Variants in FEM1B observed in about 807,000 individuals in gnomAD.
FEM1B encodes fem-1 homolog B, also known as protein fem-1 homolog B.
FEM1B carries 10 observed loss-of-function variants against 38.6 expected under a neutral mutation model. The ratio of observed to expected loss-of-function variants is 0.26; its 90% CI spans 0.16 to 0.44. The LOEUF (loss-of-function observed/expected upper bound fraction) is 0.44, where lower values mean the gene tolerates loss of function less well. Among genes scored for constraint, FEM1B ranks in the 20% least tolerant of loss-of-function variants. FEM1B has a pLI of 1.00. For synonymous variants in FEM1B, 288 were observed against 288.0 expected (o/e 1.00, Z 0.00); for missense variants, 471 against 786.7 (o/e 0.60, Z 4.80).
Position 68,289,532 on chromosome 15 carries a change from G to A in FEM1B, c.249-75G>A, listed in dbSNP as rs1296485996. The A allele has an allele frequency of 1.9e-6, 2 of 1,027,762 alleles. No individual in the cohort carries two copies. The highest frequency in any genetic ancestry group is 2.1e-5 in the Admixed American group (1 of 47,628). The allele number at this position is 1,027,762 out of a possible 1,614,324, so 63.7% of individuals were successfully genotyped here. ...CTGGAGAGTGAGGTCTTGGTCGGTGGGAGTGAATACATCCCTTAAACATAT... is the reference window on the plus strand; with the variant it reads ...CTGGAGAGTGAGGTCTTGGTCGGTGAGAGTGAATACATCCCTTAAACATAT... On this transcript the variant is annotated intron_variant, in intron 1 of 1. Coordinates refer to ENST00000306917, the MANE Select transcript of FEM1B (RefSeq NM_015322.5). This position sits in a 1 kb window ranked among gnomAD's most constrained non-coding sequence, Gnocchi z 6.9.
chr15:68,287,859 A>G, intron 1 of FEM1B, among the ~76,000 whole-genome samples: 1 of 136,578 alleles, frequency 7.3e-6, no homozygotes, highest in Non-Finnish European at 1.6e-5. Flanking sequence ...TTTTGAGATG[A>G]AGTTTTGCTC....
chr15:68,289,688 T>C lies in FEM1B; in HGVS notation c.330T>C (p.His110=), dbSNP rs1892826011. The part of the protein sequence containing the change: ...HFEVVKLLVS[H]GANVNHTTVT... The stretch of plus-strand genomic sequence containing the variant: ...AAGTTGTTAAACTTCTAGTCAGCCA[T>C]GGAGCCAACGTGAACCATACCACAG... The change falls in exon 2 of 2, where the codon CAT becomes CAC. Residue 110 remains histidine (H), a synonymous_variant. Coordinates refer to ENST00000306917, the MANE Select transcript of FEM1B (RefSeq NM_015322.5). This position sits in a 1 kb window ranked among gnomAD's most constrained non-coding sequence, Gnocchi z 6.9. 3 of 1,614,210 alleles carry C rather than the reference T, an allele frequency of 1.9e-6. No individual in the cohort carries two copies. Among genetic ancestry groups the C allele is most frequent in the Non-Finnish European group, 2.5e-6 (3 of 1,180,026 alleles).
At chr15:68,279,555 TGTG>T (rs1340264571) in intron 1 of FEM1B, among the ~76,000 whole-genome samples, 1 of 152,218 alleles carries the variant, frequency 6.6e-6, no homozygotes, top group Non-Finnish European at 1.5e-5. Flanking sequence ...TTGGTTGACT[TGTG>T]GTAGTACATA....
chr15:68,291,568 T>TAAAC lies in FEM1B; in HGVS notation c.*328_*331dup. On this transcript the variant is annotated 3_prime_UTR_variant, in exon 2 of 2. Transcript: ENST00000306917. The surrounding 1 kb of genome is among the most constrained non-coding windows in gnomAD (Gnocchi z 6.9). ...TTATAATTTCAAGTTGATAATGTTT[T>TAAAC]AAACAGCTGCTTACAAAAGTATTTC... 1 of 254,256 alleles carries TAAAC rather than the reference T, an allele frequency of 3.9e-6. No individual in the cohort carries two copies. Among genetic ancestry groups the TAAAC allele is most frequent in the Non-Finnish European group, 7.4e-6 (1 of 134,556 alleles). 15.7% of individuals were successfully genotyped at this position (254,256 alleles called of 1,614,324 possible). A position where few individuals can be genotyped will look rare whatever the true frequency, so the allele number is the denominator to read the frequency against.
Position 68,278,132 on chromosome 15 carries a change from T to G in FEM1B, c.-286T>G, listed in dbSNP as rs533141310. The G allele has an allele frequency of 8.9e-6, 3 of 337,594 alleles. No homozygotes were observed. The highest frequency in any genetic ancestry group is 6.5e-5 in the East Asian group (1 of 15,436). The allele number at this position is 337,594 out of a possible 1,614,324, so 20.9% of individuals were successfully genotyped here. On this transcript the variant is annotated 5_prime_UTR_variant, in exon 1 of 2. It removes an upstream start codon present in the reference 5' UTR. Transcript: ENST00000306917. The surrounding 1 kb of genome is among the most constrained non-coding windows in gnomAD (Gnocchi z 5.7). Reference sequence around the variant, plus strand: ...CTGAGGCCCGGGGCGGCGTCCGCCATGGAGATCCCCTCGGTCCAGGGCCGG... The same window carrying G: ...CTGAGGCCCGGGGCGGCGTCCGCCAGGGAGATCCCCTCGGTCCAGGGCCGG...
intron 1 of FEM1B, chr15:68,279,889 C>G (rs1361773684): frequency 2.3e-4 from 35 of 152,032 alleles, no homozygotes; most frequent in Admixed American, 2.3e-3. Flanking sequence ...TTCATGTTGA[C>G]CAAAGATGGC....
intron 1 of FEM1B, among the ~76,000 whole-genome samples, chr15:68,283,336 A>G (rs1892747933): frequency 6.6e-6 from 1 of 151,932 alleles, no homozygotes; most frequent in Non-Finnish European, 1.5e-5. Flanking sequence ...GAAGTAGTTT[A>G]GATTCCTGTT....
chr15:68,284,832 T>C lies in FEM1B; in HGVS notation c.249-4775T>C, dbSNP rs1892768050. On this transcript the variant is annotated intron_variant, in intron 1 of 1. Coordinates refer to ENST00000306917, the MANE Select transcript of FEM1B (RefSeq NM_015322.5). This position sits in a 1 kb window ranked among gnomAD's most constrained non-coding sequence, Gnocchi z 4.4. Reference sequence around the variant, plus strand: ...GCAGGTCTTTCCCGTGCTGTTCTCTTGATAGTAAGTGTCACGGGATCTGAT... The same window carrying C: ...GCAGGTCTTTCCCGTGCTGTTCTCTCGATAGTAAGTGTCACGGGATCTGAT... 6.6e-6 allele frequency among the ~76,000 whole-genome samples: 1 copy of C among 152,212 alleles called. No homozygotes were observed.
chr15:68,289,691 A>G lies in FEM1B; in HGVS notation c.333A>G (p.Gly111=). The G allele has an allele frequency of 6.2e-7, 1 of 1,614,144 alleles. No individual in the cohort carries two copies. The highest frequency in any genetic ancestry group is 1.1e-5 in the South Asian group (1 of 91,078). Residue 111 remains glycine (G), a synonymous_variant, in exon 2 of 2, where the codon GGA becomes GGG. Coordinates refer to ENST00000306917, the MANE Select transcript of FEM1B (RefSeq NM_015322.5). The surrounding 1 kb of genome is among the most constrained non-coding windows in gnomAD (Gnocchi z 6.9). ...TTGTTAAACTTCTAGTCAGCCATGG[A>G]GCCAACGTGAACCATACCACAGTAA... ...FEVVKLLVSH[G]ANVNHTTVTN...
chr15:68,279,927 C>G (rs1422255246), intron 1 of FEM1B: 2 of 152,130 alleles, frequency 1.3e-5, no homozygotes, highest in African/African-American at 4.8e-5. Context: ...CTTTTCCTTA[C>G]TGGCTTTCGT....
intron 1 of FEM1B, among the ~76,000 whole-genome samples, chr15:68,286,153 C>G (rs1405954296): frequency 1.3e-5 from 2 of 150,702 alleles, no homozygotes; most frequent in Non-Finnish European, 2.9e-5. Flanking sequence ...TGTTTTCTAC[C>G]TGAATTTCAC....
In FEM1B at chr15:68,291,010, C is replaced by T; in HGVS notation, c.1652C>T (p.Thr551Ile). ...AACAGGCCCATCAGTGATTTTTTGA[C>T]CTTGCACTCCATCATCATTAGCCTA... The part of the protein sequence containing the change: ...QYNRPISDFL[T>I]LHSIIISLVE... The change falls in exon 2 of 2, where the codon ACC becomes ATC. Residue 551 changes from threonine to isoleucine, a missense_variant. Transcript: ENST00000306917. This position sits in a 1 kb window ranked among gnomAD's most constrained non-coding sequence, Gnocchi z 6.9. 6.2e-7 allele frequency: 1 copy of T among 1,614,126 alleles called. No individual in the cohort carries two copies. The highest frequency in any genetic ancestry group is 8.5e-7 in the Non-Finnish European group (1 of 1,180,002).
rs1336441292 is a variant in FEM1B, at chr15:68,294,245, C to T, written c.*3003C>T. 1 of 152,102 alleles carries T rather than the reference C, an allele frequency of 6.6e-6. No individual in the cohort carries two copies. Among genetic ancestry groups the T allele is most frequent in the Non-Finnish European group, 1.5e-5 (1 of 68,010 alleles). 9.4% of individuals were successfully genotyped at this position (152,102 alleles called of 1,614,324 possible). Reference sequence around the variant, plus strand: ...AGTCCACCCTGGTTGCTCTAGTAGCCCACAGCCCAATCACGTTAAGGTTCT... The same window carrying T: ...AGTCCACCCTGGTTGCTCTAGTAGCTCACAGCCCAATCACGTTAAGGTTCT... On this transcript the variant is annotated 3_prime_UTR_variant, in exon 2 of 2. Transcript: ENST00000306917. This position sits in a 1 kb window ranked among gnomAD's most constrained non-coding sequence, Gnocchi z 4.4.
intron 1 of FEM1B, among the ~76,000 whole-genome samples, chr15:68,286,865 C>T (rs1313584768): frequency 3.4e-5 from 5 of 148,918 alleles, no homozygotes; most frequent in African/African-American, 1.3e-4. Context: ...GTTGGCATCA[C>T]TGATGTAGTG....
In FEM1B at chr15:68,292,353, A is replaced by G. The variant is rs965435656; in HGVS notation, c.*1111A>G. On this transcript the variant is annotated 3_prime_UTR_variant, in exon 2 of 2. Transcript: ENST00000306917. ...AAGGTAATTGTGTCTGAGAGCTGCA[A>G]ATTTTTCAACCACAAAATGTCACTT... The G allele has an allele frequency of 3.3e-5, 5 of 152,264 alleles. No homozygotes were observed. Among genetic ancestry groups the G allele is most frequent in the East Asian group, 1.9e-4 (1 of 5,190 alleles). The allele number at this position is 152,264 out of a possible 1,614,324, so 9.4% of individuals were successfully genotyped here.
chr15:68,287,830 CTTTTTTT>C (rs71455589), intron 1 of FEM1B, among the ~76,000 whole-genome samples: 22 of 114,668 alleles, frequency 1.9e-4, no homozygotes, highest in African/African-American at 5.1e-4. Context: ...GCTAACGTCT[CTTTTTTT>C]TTTTTTTTTT....
chr15:68,290,349 G>A lies in FEM1B; in HGVS notation c.991G>A (p.Val331Ile). 1.2e-6 allele frequency: 2 copies of A among 1,614,168 alleles called. No homozygotes were observed. Among genetic ancestry groups the A allele is most frequent in the Non-Finnish European group, 1.7e-6 (2 of 1,180,030 alleles). Residue 331 changes from valine to isoleucine, a missense_variant, in exon 2 of 2, where the codon GTT becomes ATT. By Grantham distance (29) the Val-to-Ile change is conservative. Coordinates refer to ENST00000306917, the MANE Select transcript of FEM1B (RefSeq NM_015322.5). The surrounding 1 kb of genome is among the most constrained non-coding windows in gnomAD (Gnocchi z 9.7). ...TGCTCTTCATATGGAAGGCCTTATA[G>A]TTCGGGAACGGATTTTAGGTGCTGA... ...RDALHMEGLI[V>I]RERILGADNI...
intron 1 of FEM1B, among the ~76,000 whole-genome samples, chr15:68,283,006 A>T (rs1222484759): frequency 6.6e-6 from 1 of 152,192 alleles, no homozygotes; most frequent in Non-Finnish European, 1.5e-5. Context: ...AATTGCCTCA[A>T]TAGAAATAGG....
rs1380583809 is a variant in FEM1B at position 68,280,823 on chromosome 15, G to A, written c.248+2158G>A. On this transcript the variant is annotated intron_variant, in intron 1 of 1. Transcript: ENST00000306917. The surrounding 1 kb of genome is among the most constrained non-coding windows in gnomAD (Gnocchi z 4.2). ...TTCATCTCCTTGATTCTGTATATCA[G>A]TTTAGCTTATGGATTATTACAATTA... is the stretch of plus-strand genomic sequence containing the variant. 1.3e-5 allele frequency among the ~76,000 whole-genome samples: 2 copies of A among 152,178 alleles called. No homozygotes were observed. The highest frequency in any genetic ancestry group is 2.1e-4 in the South Asian group (1 of 4,836).
Sources: allele counts gnomAD v4.1 joint callset (sites outside exome capture counted in the v4.1 genomes callset), GRCh38; gene constraint gnomAD v4.1.1; non-coding constraint Gnocchi (gnomAD v3.1); transcripts MANE v1.5; gene names NCBI Gene and HGNC (gene_info 2026-07-23, HGNC 2026-07-21).